PAX5: variants seen among roughly 807,000 people sequenced by gnomAD.
The protein encoded by PAX5 is paired box protein Pax-5.
A neutral mutation model predicts 43.7 loss-of-function variants in PAX5; 9 were observed. The ratio of observed to expected loss-of-function variants is 0.21; its 90% CI spans 0.12 to 0.36. The LOEUF is 0.36. Among genes scored for constraint, PAX5 ranks in the 10% least tolerant of loss-of-function variants. The pLI is 1.00. For missense variants in PAX5, 383 were observed against 532.7 expected (o/e 0.72, Z 2.77); for synonymous variants, 228 against 214.3 (o/e 1.06, Z -0.56).
chr9:36,968,728 T>A (rs1834668851), intron 5 of PAX5, among the ~76,000 whole-genome samples: 1 of 152,212 alleles, frequency 6.6e-6, no homozygotes, highest in African/African-American at 2.4e-5. Flanking sequence ...TGCCTGCTCC[T>A]GCCCACAGGA....
intron 6 of PAX5, among the ~76,000 whole-genome samples, chr9:36,933,041 G>A (rs760558129): frequency 1.8e-4 from 27 of 151,688 alleles, no homozygotes; most frequent in Non-Finnish European, 2.5e-4. Flanking sequence ...CTACTCAGGA[G>A]GCTGAAGTGG....
At chr9:36,912,262 G>A (rs1466247710) in intron 7 of PAX5, among the ~76,000 whole-genome samples, 3 of 152,270 alleles carry the variant, frequency 2.0e-5, no homozygotes, top group Non-Finnish European at 4.4e-5. Flanking sequence ...TTTATGGGGT[G>A]TTTACCACCT....
chr9:37,033,415 C>T (rs1478690353), intron 1 of PAX5, among the ~76,000 whole-genome samples: 2 of 152,190 alleles, frequency 1.3e-5, no homozygotes, highest in African/African-American at 4.8e-5. Context: ...CCACTTCTTT[C>T]TCACATCCAA....
Position 36,882,912 on chromosome 9 carries a change from C to A in PAX5, c.911-807G>T, listed in dbSNP as rs563812100. Among the ~76,000 whole-genome samples, 17 of 152,354 alleles carry A rather than the reference C, an allele frequency of 1.1e-4. No individual in the cohort carries two copies. Among genetic ancestry groups the A allele is most frequent in the Admixed American group, 6.5e-4 (10 of 15,312 alleles). On this transcript the variant is annotated intron_variant, in intron 7 of 9. Transcript: ENST00000358127. This position sits in a 1 kb window ranked among gnomAD's most constrained non-coding sequence, Gnocchi z 4.4. ...TCACCATCACTGATTGGCTCCATCA[C>A]GCAGAGGAAAATTCAATTGCACAGT... is the stretch of plus-strand genomic sequence containing the variant.
chr9:36,982,392 C>T (rs759573448), intron 5 of PAX5, among the ~76,000 whole-genome samples: 2 of 152,232 alleles, frequency 1.3e-5, no homozygotes, highest in Non-Finnish European at 1.5e-5. Context: ...GTGCTCTGGT[C>T]CCAAGCATAG....
chr9:36,957,251 G>A (rs1419960902), intron 6 of PAX5, among the ~76,000 whole-genome samples: 6 of 152,182 alleles, frequency 3.9e-5, no homozygotes, highest in African/African-American at 1.2e-4. Flanking sequence ...CAACTGGGTG[G>A]GTAAGCCAGG....
At position 36,920,852 on chromosome 9, in the gene PAX5, G is replaced by T. The variant is rs1587974205; in HGVS notation, c.910+2503C>A. On this transcript the variant is annotated intron_variant, in intron 7 of 9. Transcript: ENST00000358127. ...TTTTGAGACAGAGTTTTGCTCTTGT[G>T]GCCCAGGCTGGAGTGCAATGGCGTG... is the stretch of plus-strand genomic sequence containing the variant. Among the ~76,000 whole-genome samples, 7 of 123,256 alleles carry T rather than the reference G, an allele frequency of 5.7e-5. No individual in the cohort carries two copies. The South Asian group carries it at 1.8e-3, about 32-fold the overall frequency. 80.9% of individuals were successfully genotyped at this position (123,256 alleles called of 152,430 possible). A position where few individuals can be genotyped will look rare whatever the true frequency, so the allele number is the denominator to read the frequency against.
chr9:36,908,363 G>A (rs1046186056), intron 7 of PAX5, among the ~76,000 whole-genome samples: 2 of 151,906 alleles, frequency 1.3e-5, no homozygotes, highest in Non-Finnish European at 2.9e-5. Flanking sequence ...CCTTCATGCT[G>A]TCAAAAGCAC....
At chr9:36,860,388 A>G (rs1173929948) in intron 8 of PAX5, among the ~76,000 whole-genome samples, 2 of 151,582 alleles carry the variant, frequency 1.3e-5, no homozygotes, top group Admixed American at 6.5e-5. Context: ...TGACCAGGCC[A>G]TATCTCATAC....
chr9:36,986,003 C>G lies in PAX5; in HGVS notation c.604+16645G>C, dbSNP rs573936035. On this transcript the variant is annotated intron_variant, in intron 5 of 9. Coordinates refer to ENST00000358127, the MANE Select transcript of PAX5 (RefSeq NM_016734.3). Reference sequence around the variant, plus strand: ...GAACTCCCATCCCGGTTCCACGCTGCGCGTCCGCCATCCGAACCGGCCTCG... The same window carrying G: ...GAACTCCCATCCCGGTTCCACGCTGGGCGTCCGCCATCCGAACCGGCCTCG... Among the ~76,000 whole-genome samples the G allele has an allele frequency of 7.9e-5, 12 of 152,252 alleles. No individual in the cohort carries two copies. The South Asian group carries it at 2.5e-3, about 31-fold the overall frequency.
intron 3 of PAX5, among the ~76,000 whole-genome samples, chr9:37,014,354 G>A (rs1049850107): frequency 2.0e-5 from 3 of 152,074 alleles, no homozygotes; most frequent in African/African-American, 7.2e-5. Flanking sequence ...TTGGGGAGAG[G>A]GCAACTCCTT....
intron 9 of PAX5, 56 bp from the exon 10 acceptor site, chr9:36,840,692 T>C: frequency 9.1e-7 from 1 of 1,096,702 alleles, no homozygotes; most frequent in Non-Finnish European, 1.3e-6. Context: ...TTTCCACCAG[T>C]CTCCTCCACT....
chr9:36,924,126 T>A (rs1338202524), intron 6 of PAX5, among the ~76,000 whole-genome samples: 2 of 152,198 alleles, frequency 1.3e-5, no homozygotes, highest in Non-Finnish European at 2.9e-5. Flanking sequence ...GTTTTTGAAT[T>A]CTAGAAGCAG....
intron 5 of PAX5, among the ~76,000 whole-genome samples, chr9:36,966,964 T>C (rs1834498644): frequency 1.3e-5 from 2 of 152,204 alleles, no homozygotes; most frequent in African/African-American, 2.4e-5. Flanking sequence ...ACAGGCATCA[T>C]GTCATCTAAT....
chr9:36,883,035 G>C (rs939652145), intron 7 of PAX5, among the ~76,000 whole-genome samples: 1 of 152,224 alleles, frequency 6.6e-6, no homozygotes, highest in African/African-American at 2.4e-5. Flanking sequence ...CCAGTAGGAG[G>C]CTGCCTGGTA....
At chr9:37,001,432 C>T (rs1465092505) in intron 5 of PAX5, among the ~76,000 whole-genome samples, 8 of 152,242 alleles carry the variant, frequency 5.3e-5, no homozygotes, top group Non-Finnish European at 2.9e-5. Flanking sequence ...ACAGAGATGG[C>T]AGGCCCACTG....
chr9:37,031,190 C>G (rs754342121), intron 1 of PAX5, among the ~76,000 whole-genome samples: 1 of 152,172 alleles, frequency 6.6e-6, no homozygotes, highest in Non-Finnish European at 1.5e-5. Context: ...TGTAAAATCA[C>G]CTTAGTCGGG....
intron 6 of PAX5, among the ~76,000 whole-genome samples, chr9:36,949,112 A>G (rs932781375): frequency 6.6e-6 from 1 of 152,098 alleles, no homozygotes; most frequent in African/African-American, 2.4e-5. Flanking sequence ...CCCAGGCTGG[A>G]GTGCAGTGGC....
intron 6 of PAX5, among the ~76,000 whole-genome samples, chr9:36,953,956 C>T (rs930912993): frequency 2.6e-5 from 4 of 152,070 alleles, no homozygotes; most frequent in African/African-American, 7.2e-5. Context: ...CCTGTAGTCC[C>T]AGCTACTTGG....
Sources: gnomAD v4.1 joint callset for allele counts (sites outside exome capture counted in the v4.1 genomes callset) on GRCh38, gnomAD v4.1.1 for gene constraint, Gnocchi (gnomAD v3.1) non-coding constraint, MANE v1.5 for transcripts, NCBI Gene and HGNC (gene_info 2026-07-23, HGNC 2026-07-21) for gene names.